RIOX2: variants seen among roughly 807,000 people sequenced by gnomAD.
RIOX2 encodes ribosomal oxygenase 2.
A neutral mutation model predicts 51.2 loss-of-function variants in RIOX2; 43 were observed. The observed-to-expected ratio is 0.84, with a 90% CI of 0.66 to 1.08. The LOEUF (loss-of-function observed/expected upper bound fraction) is 1.08. RIOX2 is among the 50% of genes least tolerant of loss of function. RIOX2 has a pLI of 0.00. For synonymous variants in RIOX2, 226 were observed against 218.5 expected (o/e 1.03, Z -0.30); for missense variants, 566 against 561.7 (o/e 1.01, Z -0.08).
intron 2 of RIOX2, among the ~76,000 whole-genome samples, chr3:97,966,285 C>A (rs1347683255): frequency 6.6e-6 from 1 of 152,152 alleles, no homozygotes; most frequent in African/African-American, 2.4e-5. Flanking sequence ...CCTCACAAAC[C>A]CCTCTCTTTC....
chr3:97,959,142 C>CGCCAGT lies in RIOX2; in HGVS notation c.584_589dup (p.His195_Trp196dup), dbSNP rs767623290. On this transcript the variant is annotated inframe_insertion, in exon 4 of 10. Coordinates refer to ENST00000394198, the MANE Select transcript of RIOX2 (RefSeq NM_153182.4). ...CAGGGGCACAGTGGGGTGGTAGAGGCGCCAGTGTTTCTCTCCCTCCAGCTG... is the reference window on the plus strand; with the variant it reads ...CAGGGGCACAGTGGGGTGGTAGAGGCGCCAGTGCCAGTGTTTCTCTCCCTCCAGCTG... The CGCCAGT allele has an allele frequency of 6.2e-7, 1 of 1,613,976 alleles. No individual in the cohort carries two copies. Among genetic ancestry groups the CGCCAGT allele is most frequent in the Admixed American group, 1.7e-5 (1 of 60,000 alleles).
At chr3:97,946,583 G>GATAT (rs1478953362) in intron 8 of RIOX2, among the ~76,000 whole-genome samples, 2 of 13,334 alleles carry the variant, frequency 1.5e-4, no homozygotes, top group Admixed American at 1.0e-3. Context: ...TACTTTTGAG[G>GATAT]ATGTATATAT....
chr3:97,951,681 C>G (rs540812714), intron 5 of RIOX2, among the ~76,000 whole-genome samples: 68 of 152,120 alleles, frequency 4.5e-4, no homozygotes, highest in Non-Finnish European at 1.0e-4. Flanking sequence ...AATGGAAATT[C>G]ACAGTATGAC....
At position 97,943,976 on chromosome 3, in the gene RIOX2, C is replaced by CAAAT. The variant is rs1334262537; in HGVS notation, c.*1204_*1207dup. 2 of 151,866 alleles carry CAAAT rather than the reference C, an allele frequency of 1.3e-5. No homozygotes were observed. Among genetic ancestry groups the CAAAT allele is most frequent in the African/African-American group, 4.8e-5 (2 of 41,364 alleles). The allele number at this position is 151,866 out of a possible 1,614,324, so 9.4% of individuals were successfully genotyped here. Reference sequence around the variant, plus strand: ...CTCAGTCCTTCAAACTAAAAAAGTACAAATAAATAACCTATGGCCAAACTT... The same window carrying CAAAT: ...CTCAGTCCTTCAAACTAAAAAAGTACAAATAAATAAATAACCTATGGCCAAACTT... On this transcript the variant is annotated 3_prime_UTR_variant, in exon 10 of 10. Coordinates refer to ENST00000394198, the MANE Select transcript of RIOX2 (RefSeq NM_153182.4).
chr3:97,942,532 T>TA lies in RIOX2; in HGVS notation c.*2651dup. The TA allele has an allele frequency of 8.6e-7, 1 of 1,162,190 alleles. No individual in the cohort carries two copies. The highest frequency in any genetic ancestry group is 2.5e-5 in the East Asian group (1 of 39,774). The allele number at this position is 1,162,190 out of a possible 1,614,324, so 72.0% of individuals were successfully genotyped here. ...ATTTTGGGTAAAGGACATCCTTATG[T>TA]ATAAGAGAAATGTTAAGTCATTTAA... On this transcript the variant is annotated 3_prime_UTR_variant, in exon 10 of 10. Coordinates refer to ENST00000394198, the MANE Select transcript of RIOX2 (RefSeq NM_153182.4).
intron 2 of RIOX2, 104 bp downstream of exon 2, chr3:97,967,058 G>T: frequency 8.1e-7 from 1 of 1,234,634 alleles, no homozygotes; most frequent in Non-Finnish European, 1.1e-6. Context: ...AAACTGGCAA[G>T]AGACTAACCA....
rs767181152 is a variant in RIOX2, at chr3:97,949,934, C to A, written c.970G>T (p.Glu324Ter). Residue 324 changes from glutamate to a stop codon, truncating the protein, a stop_gained, in exon 7 of 10, where the codon GAA becomes TAA. Coordinates refer to ENST00000394198, the MANE Select transcript of RIOX2 (RefSeq NM_153182.4). LOFTEE classifies it high-confidence loss of function. ...TLADRLEGTK[E>*]LLSSDMKKDF... ...TTCTTCATGTCTGAGGAAAGCAGTT[C>A]TTTGGTGCCCTCCAGCCGGTCTGCA... The A allele has an allele frequency of 6.2e-7, 1 of 1,613,972 alleles. No homozygotes were observed. Among genetic ancestry groups the A allele is most frequent in the Non-Finnish European group, 8.5e-7 (1 of 1,179,966 alleles).
Position 97,942,217 on chromosome 3 carries a change from A to T in RIOX2, c.*2967T>A, listed in dbSNP as rs929139796. ...CTATGACTTGTTTACCTAAGATAAA[A>T]GGGACCTAATTCAACTTACTTTAGC... On this transcript the variant is annotated 3_prime_UTR_variant, in exon 10 of 10. Coordinates refer to ENST00000394198, the MANE Select transcript of RIOX2 (RefSeq NM_153182.4). 9 of 1,409,408 alleles carry T rather than the reference A, an allele frequency of 6.4e-6. No individual in the cohort carries two copies. The African/African-American group carries it at 1.3e-4, about 20-fold the overall frequency. The allele number at this position is 1,409,408 out of a possible 1,614,324, so 87.3% of individuals were successfully genotyped here.
chr3:97,965,628 A>T (rs1032359347), intron 2 of RIOX2, among the ~76,000 whole-genome samples: 1 of 152,214 alleles, frequency 6.6e-6, no homozygotes, highest in African/African-American at 2.4e-5. Context: ...AGGCAAAAGA[A>T]ACAGGTTCTT....
At chr3:97,964,706 AAAAAAAAAAAAAAAAG>A (rs1705812789) in intron 2 of RIOX2, among the ~76,000 whole-genome samples, 2 of 145,564 alleles carry the variant, frequency 1.4e-5, no homozygotes, top group Admixed American at 7.0e-5. Flanking sequence ...TAAAAAAAAA[AAAAAAAAAAAAAAAAG>A]AAGGAAAGAA....
intron 5 of RIOX2, chr3:97,952,336 CTT>C: frequency 1.2e-6 from 1 of 805,238 alleles, no homozygotes; most frequent in South Asian, 1.4e-5. Flanking sequence ...ACTTCTGTAA[CTT>C]AGGAAGCTCT....
At chr3:97,959,308 T>G in intron 3 of RIOX2, 129 bp from the exon 4 acceptor site, 1 of 444,720 alleles carries the variant, frequency 2.2e-6, no homozygotes, top group East Asian at 5.0e-5. Context: ...CAACACAGGT[T>G]TTTTTTTTTT....
intron 5 of RIOX2, chr3:97,952,047 G>A: frequency 1.8e-6 from 1 of 554,686 alleles, no homozygotes; most frequent in South Asian, 1.5e-5. Flanking sequence ...ATCTCTTGAA[G>A]GGTCCACTTT....
intron 1 of RIOX2, among the ~76,000 whole-genome samples, chr3:97,968,564 C>CT (rs1438862917): frequency 6.6e-6 from 1 of 152,194 alleles, no homozygotes; most frequent in Admixed American, 6.5e-5. Context: ...GCTGACACTG[C>CT]TGAGTAGTCG....
Position 97,961,651 on chromosome 3 carries a change from A to C in RIOX2, c.490T>G (p.Ser164Ala). 1 of 1,612,688 alleles carries C rather than the reference A, an allele frequency of 6.2e-7. No homozygotes were observed. Among genetic ancestry groups the C allele is most frequent in the Non-Finnish European group, 8.5e-7 (1 of 1,179,618 alleles). Residue 164 changes from serine to alanine, a missense_variant, in exon 3 of 10, where the codon TCG becomes GCG. Ser to Ala is a moderately conservative substitution (Grantham distance 99). Transcript: ENST00000394198. Reference sequence around the variant, plus strand: ...CCTGCGGGAGTTATGTACACATTCGAGCCAACCAAGGAGCCAAAGTAACAT... The same window carrying C: ...CCTGCGGGAGTTATGTACACATTCGCGCCAACCAAGGAGCCAAAGTAACAT... ...LECYFGSLVG[S>A]NVYITPAGSQ...
chr3:97,960,125 C>T (rs1241762411), intron 3 of RIOX2, among the ~76,000 whole-genome samples: 2 of 152,170 alleles, frequency 1.3e-5, no homozygotes. Flanking sequence ...ACAACTTAAG[C>T]CGTGAATAAC....
intron 8 of RIOX2, among the ~76,000 whole-genome samples, chr3:97,946,606 A>ATATATATATATC (rs955397213): frequency 6.8e-6 from 1 of 145,998 alleles, no homozygotes; most frequent in Admixed American, 6.9e-5. Flanking sequence ...ATATATATAT[A>ATATATATATATC]TCTATTCATG....
At chr3:97,951,634 G>GT (rs933307136) in intron 5 of RIOX2, among the ~76,000 whole-genome samples, 26 of 152,230 alleles carry the variant, frequency 1.7e-4, no homozygotes, top group African/African-American at 6.0e-4. Flanking sequence ...AAATTTTCCT[G>GT]TGTCACCAGC....
chr3:97,956,090 A>T (rs1016003751), intron 4 of RIOX2, among the ~76,000 whole-genome samples: 3 of 152,206 alleles, frequency 2.0e-5, no homozygotes, highest in Admixed American at 2.0e-4. Context: ...AGGGTTGTTT[A>T]GACCAGCATC....
Sources: gnomAD v4.1 joint callset for allele counts (sites outside exome capture counted in the v4.1 genomes callset) on GRCh38, gnomAD v4.1.1 for gene constraint, MANE v1.5 for transcripts, NCBI Gene and HGNC (gene_info 2026-07-23, HGNC 2026-07-21) for gene names.